TMEM63A: variants seen among roughly 807,000 people sequenced by gnomAD.
TMEM63A encodes the protein transmembrane protein 63A.
A neutral mutation model predicts 100.6 loss-of-function variants in TMEM63A; 76 were observed. The ratio of observed to expected loss-of-function variants is 0.76; its 90% confidence interval spans 0.63 to 0.91. TMEM63A has a LOEUF of 0.91. Ranked by LOEUF, TMEM63A falls within the 40% of genes least tolerant of loss-of-function variation. The probability of loss-of-function intolerance (pLI) is 0.00; values close to 1 mark genes in which losing one functional copy is unlikely to be tolerated. For synonymous variants in TMEM63A, 401 were observed against 401.1 expected, an observed-to-expected ratio of 1.00 and a Z score of 0.00; for missense variants, 876 against 1,008.8, an observed-to-expected ratio of 0.87 and a Z score of 1.78.
rs557058925 is a variant in TMEM63A at position 225,848,999 on chromosome 1, G to C, written c.2085C>G (p.Pro695=). 1 of 1,586,370 alleles carries C rather than the reference G, an allele frequency of 6.3e-7. No individual in the cohort carries two copies. The highest frequency in any genetic ancestry group is 8.6e-7 in the Non-Finnish European group (1 of 1,166,880). ...FSFLRLGMKA[P]ATLFTFLVLL... is the part of the protein sequence containing the mutation. Reference sequence around the variant, plus strand: ...GCACCAGGAAGGTGAACAGAGTGGCGGGGGCCTTCATACCTGGTGATAGAG... The same window carrying C: ...GCACCAGGAAGGTGAACAGAGTGGCCGGGGCCTTCATACCTGGTGATAGAG... The change falls in exon 22 of 25, where the codon CCC becomes CCG. Residue 695 remains proline, a synonymous_variant. Transcript: ENST00000366835.
At position 225,874,369 on chromosome 1, in the gene TMEM63A, TAA is replaced by T; in HGVS notation, c.187-4_187-3del. The T allele has an allele frequency of 6.2e-7, 1 of 1,611,912 alleles. No homozygotes were observed. Among genetic ancestry groups the T allele is most frequent in the Non-Finnish European group, 8.5e-7 (1 of 1,179,362 alleles). ...AATAGAAAACACCAAGATTAAGAACTAAAAACAGAAAAGAAACCAAGTAAAAG... is the reference window on the plus strand; with the variant it reads ...AATAGAAAACACCAAGATTAAGAACTAAACAGAAAAGAAACCAAGTAAAAG... On this transcript the variant is annotated splice_region_variant and splice_polypyrimidine_tract_variant and intron_variant, in intron 3 of 24. Transcript: ENST00000366835.
chr1:225,847,932 T>A (rs1669101748), intron 23 of TMEM63A, among the ~76,000 whole-genome samples: 1 of 152,146 alleles, frequency 6.6e-6, no homozygotes, highest in East Asian at 1.9e-4. Flanking sequence ...TCTGGAACCC[T>A]GGGGCTCTGC....
At chr1:225,845,373 C>T, downstream of TMEM63A, 2 of 1,548,852 alleles carry the variant, frequency 1.3e-6, no homozygotes, top group Non-Finnish European at 1.7e-6. Flanking sequence ...CCGCCTGCCA[C>T]CTCCCCCCAC....
In TMEM63A at chr1:225,865,358, G is replaced by T. The variant is rs577251019; in HGVS notation, c.746+539C>A. The T allele has an allele frequency of 7.1e-6, 1 of 140,468 alleles. No homozygotes were observed. Among genetic ancestry groups the T allele is most frequent in the African/African-American group, 3.3e-5 (1 of 30,046 alleles). 8.7% of individuals were successfully genotyped at this position (140,468 alleles called of 1,614,324 possible). On this transcript the variant is annotated intron_variant, in intron 10 of 24. Coordinates refer to ENST00000366835, the MANE Select transcript of TMEM63A (RefSeq NM_014698.3). The surrounding 1 kb of genome is among the most constrained non-coding windows in gnomAD (Gnocchi z 4.6). ...CAGCCTCCATCTGCAGGAATTGGTG[G>T]TGCAGATACTCAAAGGGAGCCGCTG...
At chr1:225,844,469 G>C, downstream of TMEM63A, 1 of 1,614,060 alleles carries the variant, frequency 6.2e-7, no homozygotes, top group African/African-American at 1.3e-5. Context: ...GTGGCACTGA[G>C]AGTGGGGCTT....
At chr1:225,854,101 C>T (rs1023304808) in intron 18 of TMEM63A, among the ~76,000 whole-genome samples, 2 of 151,854 alleles carry the variant, frequency 1.3e-5, no homozygotes, top group Non-Finnish European at 2.9e-5. Flanking sequence ...GTTCCTATGT[C>T]ATACAGGGGT....
Position 225,856,922 on chromosome 1 carries a change from A to T in TMEM63A, c.1473T>A (p.Ser491=). Residue 491 remains serine (S), a synonymous_variant, in exon 16 of 25, where the codon TCT becomes TCA. Coordinates refer to ENST00000366835, the MANE Select transcript of TMEM63A (RefSeq NM_014698.3). The part of the protein sequence containing the change: ...SIVYYSTLLE[S]HWTKSGENQI... ...TCCCGGGCACTCACTTGGTCCAGTG[A>T]GACTCCAGCAGTGTAGAGTAGTAGA... 1 of 1,610,608 alleles carries T rather than the reference A, an allele frequency of 6.2e-7. No homozygotes were observed. The highest frequency in any genetic ancestry group is 8.5e-7 in the Non-Finnish European group (1 of 1,178,984).
Position 225,867,063 on chromosome 1 carries a change from C to G in TMEM63A, c.566+49G>C, listed in dbSNP as rs528013148. On this transcript the variant is annotated intron_variant, in intron 8 of 24. Transcript: ENST00000366835. This position sits in a 1 kb window ranked among gnomAD's most constrained non-coding sequence, Gnocchi z 4.6. ...CTGCCCCGGGCTCCTGACCTGCCTTCTCCTTGATCTCACCCATCAGCACCT... is the reference window on the plus strand; with the variant it reads ...CTGCCCCGGGCTCCTGACCTGCCTTGTCCTTGATCTCACCCATCAGCACCT... 1.0e-4 allele frequency: 162 copies of G among 1,607,968 alleles called. 2 individuals carry two copies. The South Asian group carries it at 1.7e-3, about 17-fold the overall frequency.
At chr1:225,844,692 C>T, downstream of TMEM63A, 1 of 1,599,178 alleles carries the variant, frequency 6.3e-7, no homozygotes. Context: ...GTCTTGGGCT[C>T]CACGAAGGGC....
chr1:225,866,682 G>A lies in TMEM63A; in HGVS notation c.567C>T (p.Asp189=). The change falls in exon 9 of 25, where the codon GAC becomes GAT. Residue 189 remains aspartate (D), a splice_region_variant and synonymous_variant. Coordinates refer to ENST00000366835, the MANE Select transcript of TMEM63A (RefSeq NM_014698.3). ...GRTTIANLQT[D]NDLLWLHTIF... Reference sequence around the variant, plus strand: ...TGGTGTGCAGCCAAAGGAGGTCATTGCTGAGAGGGAAACCACCTGCCATCA... The same window carrying A: ...TGGTGTGCAGCCAAAGGAGGTCATTACTGAGAGGGAAACCACCTGCCATCA... 1 of 1,613,938 alleles carries A rather than the reference G, an allele frequency of 6.2e-7. No individual in the cohort carries two copies. The highest frequency in any genetic ancestry group is 8.5e-7 in the Non-Finnish European group (1 of 1,179,900).
rs759751586 is a variant in TMEM63A, at chr1:225,867,943, G to A, written c.459C>T (p.Val153=). 6.2e-7 allele frequency: 1 copy of A among 1,614,154 alleles called. No homozygotes were observed. Among genetic ancestry groups the A allele is most frequent in the Non-Finnish European group, 8.5e-7 (1 of 1,180,036 alleles). ...GGATGACACACAGGGACAAAAAGCT[G>A]ACCACCACCAACAGGAAGATGATGT... ...QRHIIFLLVV[V]SFLSLCVILP... is the part of the protein sequence containing the mutation. Residue 153 remains valine (V), a synonymous_variant, in exon 7 of 25, where the codon GTC becomes GTT. Transcript: ENST00000366835. This position sits in a 1 kb window ranked among gnomAD's most constrained non-coding sequence, Gnocchi z 4.6.
chr1:225,850,444 A>G (rs1370547692), intron 20 of TMEM63A, among the ~76,000 whole-genome samples: 2 of 152,226 alleles, frequency 1.3e-5, no homozygotes, highest in African/African-American at 4.8e-5. Context: ...CTTAGGGTGC[A>G]GATACATAGG....
chr1:225,843,115 C>T (rs1282581532), downstream of TMEM63A, among the ~76,000 whole-genome samples: 1 of 152,184 alleles, frequency 6.6e-6, no homozygotes, highest in Non-Finnish European at 1.5e-5. Context: ...GCTGTAGCCC[C>T]ATCACCTAGA....
downstream of TMEM63A, among the ~76,000 whole-genome samples, chr1:225,843,136 G>C (rs1668570933): frequency 6.6e-6 from 1 of 152,358 alleles, no homozygotes; most frequent in Admixed American, 6.5e-5. Flanking sequence ...ACAATGCCGG[G>C]TGAACAGTGG....
At chr1:225,852,536 C>T (rs1669398647) in intron 20 of TMEM63A, 128 bp downstream of exon 20, 4 of 789,486 alleles carry the variant, frequency 5.1e-6, no homozygotes, top group East Asian at 2.6e-5. Flanking sequence ...TCTTTAGCAG[C>T]TTGTGGCTCT....
chr1:225,845,320 G>A (rs202036186), downstream of TMEM63A: 12 of 1,611,772 alleles, frequency 7.4e-6, no homozygotes, highest in Admixed American at 1.3e-4. Flanking sequence ...ACATCCGCAA[G>A]TTCCTGTCGG....
At chr1:225,845,241 TCTC>T (rs776326898), downstream of TMEM63A, 21 of 1,614,058 alleles carry the variant, frequency 1.3e-5, no homozygotes, top group East Asian at 2.2e-5. Context: ...CCAAAGCTCA[TCTC>T]CTATTCCTAC....
In TMEM63A at chr1:225,867,701, C is replaced by A. The variant is rs778337464; in HGVS notation, c.514+187G>T. 1.8e-4 allele frequency among the ~76,000 whole-genome samples: 28 copies of A among 152,148 alleles called. No individual in the cohort carries two copies. The highest frequency in any genetic ancestry group is 2.5e-4 in the Non-Finnish European group (17 of 67,998). The stretch of plus-strand genomic sequence containing the variant: ...ATAGAACCAGACATTGATATTGGGG[C>A]CCCAGTTTTAGCCTAGGTTTGCTCC... On this transcript the variant is annotated intron_variant, in intron 7 of 24. Transcript: ENST00000366835. This position sits in a 1 kb window ranked among gnomAD's most constrained non-coding sequence, Gnocchi z 4.6.
chr1:225,870,911 TC>T (rs1256057027), intron 6 of TMEM63A, among the ~76,000 whole-genome samples, 164 bp downstream of exon 6: 1 of 152,182 alleles, frequency 6.6e-6, no homozygotes, highest in East Asian at 1.9e-4. Context: ...GGCTGCCTGG[TC>T]ACCTTGATTC....
Sources: gnomAD v4.1 joint callset for allele counts (sites outside exome capture counted in the v4.1 genomes callset) on GRCh38, gnomAD v4.1.1 for gene constraint, Gnocchi (gnomAD v3.1) non-coding constraint, MANE v1.5 for transcripts, NCBI Gene and HGNC (gene_info 2026-07-23, HGNC 2026-07-21) for gene names.